The following OTUD7A variants were observed in gnomAD, a reference collection of about 807,000 sequenced individuals.
OTUD7A encodes the protein OTU domain-containing protein 7A.
Under a neutral mutation model 65.7 loss-of-function variants are expected in OTUD7A, and 12 were observed. That is an observed-to-expected ratio of 0.18 (90% CI 0.12 to 0.30). The LOEUF (loss-of-function observed/expected upper bound fraction) is 0.30. Among genes scored for constraint, OTUD7A ranks in the 10% least tolerant of loss-of-function variants. The pLI is 1.00. For synonymous variants in OTUD7A, 641 were observed against 586.3 expected (o/e 1.09, Z -1.35); for missense variants, 1,148 against 1,304.8 (o/e 0.88, Z 1.85).
intron 4 of OTUD7A, among the ~76,000 whole-genome samples, chr15:31,559,427 G>A (rs1018533306): frequency 6.6e-6 from 1 of 151,976 alleles, no homozygotes; most frequent in African/African-American, 2.4e-5. Flanking sequence ...ACATATACAT[G>A]TGCACACACA....
intron 1 of OTUD7A, among the ~76,000 whole-genome samples, chr15:31,736,490 G>T (rs1894196572): frequency 1.3e-5 from 2 of 152,322 alleles, no homozygotes; most frequent in African/African-American, 4.8e-5. Context: ...AAGCTCTTCA[G>T]ATATATTAAC....
chr15:31,790,347 G>C (rs1053062514), intron 1 of OTUD7A, among the ~76,000 whole-genome samples: 20 of 152,240 alleles, frequency 1.3e-4, no homozygotes, highest in African/African-American at 4.8e-4. Flanking sequence ...AGGCCTAGGG[G>C]CCACACTTTG....
chr15:31,861,161 G>C (rs1398191834), intron 1 of OTUD7A, among the ~76,000 whole-genome samples: 1 of 152,042 alleles, frequency 6.6e-6, no homozygotes, highest in East Asian at 1.9e-4. Context: ...AGTTGAAAGG[G>C]GTATCAGAGT....
intron 10 of OTUD7A, among the ~76,000 whole-genome samples, chr15:31,489,432 C>T (rs1450538880): frequency 6.6e-6 from 1 of 152,162 alleles, no homozygotes; most frequent in Admixed American, 6.5e-5. Flanking sequence ...TGTCCACCCG[C>T]TTCCCAGGGT....
chr15:31,854,506 G>A (rs906671805), intron 1 of OTUD7A, among the ~76,000 whole-genome samples: 2 of 151,876 alleles, frequency 1.3e-5, no homozygotes. Flanking sequence ...TCAGCTCTTG[G>A]TCCCCCACCT....
intron 8 of OTUD7A, among the ~76,000 whole-genome samples, chr15:31,517,895 C>T (rs2141107495): frequency 6.6e-6 from 1 of 152,254 alleles, no homozygotes; most frequent in South Asian, 2.1e-4. Context: ...GAGCGCGTGT[C>T]ATAGATAAGG....
chr15:31,663,646 G>A (rs1892235626), intron 1 of OTUD7A, among the ~76,000 whole-genome samples: 1 of 152,058 alleles, frequency 6.6e-6, no homozygotes, highest in African/African-American at 2.4e-5. Context: ...AGTATTCCAT[G>A]ATGTATATGT....
chr15:31,527,808 A>G (rs1440721410), intron 6 of OTUD7A, among the ~76,000 whole-genome samples: 2 of 152,176 alleles, frequency 1.3e-5, no homozygotes, highest in African/African-American at 2.4e-5. Flanking sequence ...CAGTGACACC[A>G]CTGCACACAC....
intron 1 of OTUD7A, among the ~76,000 whole-genome samples, chr15:31,829,659 G>C (rs1896883596): frequency 6.6e-6 from 1 of 152,074 alleles, no homozygotes; most frequent in African/African-American, 2.4e-5. Context: ...TTCCCTCTTG[G>C]GGACCTCCCC....
At chr15:31,800,318 C>A (rs1413200937) in intron 1 of OTUD7A, among the ~76,000 whole-genome samples, 3 of 152,152 alleles carry the variant, frequency 2.0e-5, no homozygotes. Context: ...TACTCTTGTA[C>A]CTGAGGGTCA....
At chr15:31,794,363 A>G (rs1194030259) in intron 1 of OTUD7A, among the ~76,000 whole-genome samples, 1 of 152,214 alleles carries the variant, frequency 6.6e-6, no homozygotes, top group Non-Finnish European at 1.5e-5. Flanking sequence ...ATTGATGGTT[A>G]TTTCTCAAAA....
At chr15:31,771,381 A>G (rs1352545013) in intron 1 of OTUD7A, among the ~76,000 whole-genome samples, 1 of 152,172 alleles carries the variant, frequency 6.6e-6, no homozygotes, top group African/African-American at 2.4e-5. Context: ...ATCCACATCC[A>G]CTGGCAACGG....
At chr15:31,675,541 T>C (rs1275361953) in intron 1 of OTUD7A, among the ~76,000 whole-genome samples, 3 of 152,242 alleles carry the variant, frequency 2.0e-5, no homozygotes, top group African/African-American at 7.2e-5. Flanking sequence ...AACCTTTTTT[T>C]CTACTTATTA....
intron 1 of OTUD7A, among the ~76,000 whole-genome samples, chr15:31,749,734 G>C (rs139308530): frequency 4.0e-4 from 61 of 151,912 alleles, no homozygotes; most frequent in African/African-American, 1.4e-3. Flanking sequence ...AGAAATAAAA[G>C]GTGTACAATT....
intron 1 of OTUD7A, among the ~76,000 whole-genome samples, chr15:31,734,658 G>A (rs2141365365): frequency 6.6e-6 from 1 of 152,060 alleles, no homozygotes; most frequent in South Asian, 2.1e-4. Flanking sequence ...ACGTGTAAAA[G>A]ACTCTCTATT....
chr15:31,797,422 A>G (rs1379132208), intron 1 of OTUD7A, among the ~76,000 whole-genome samples: 2 of 152,174 alleles, frequency 1.3e-5, no homozygotes, highest in Non-Finnish European at 2.9e-5. Flanking sequence ...CTCAACGACG[A>G]GTACCTATTC....
At chr15:31,541,317 A>T (rs1887980699) in intron 5 of OTUD7A, among the ~76,000 whole-genome samples, 1 of 152,208 alleles carries the variant, frequency 6.6e-6, no homozygotes. Context: ...AGCAACTTTT[A>T]AAAACCAATG....
chr15:31,585,590 T>C (rs1889508582), intron 3 of OTUD7A, among the ~76,000 whole-genome samples: 1 of 152,188 alleles, frequency 6.6e-6, no homozygotes, highest in Admixed American at 6.5e-5. Flanking sequence ...AGTTATGTGT[T>C]TCTATCTGCG....
intron 1 of OTUD7A, among the ~76,000 whole-genome samples, chr15:31,813,488 T>C (rs1024333232): frequency 2.0e-5 from 3 of 152,162 alleles, no homozygotes; most frequent in Non-Finnish European, 2.9e-5. Context: ...ACCCTCCCCA[T>C]AAACACTGGG....
Sources: allele counts gnomAD v4.1 joint callset (sites outside exome capture counted in the v4.1 genomes callset), GRCh38; gene constraint gnomAD v4.1.1; transcripts MANE v1.5; gene names NCBI Gene and HGNC (gene_info 2026-07-23, HGNC 2026-07-21).